STARD10: variants seen among roughly 807,000 people sequenced by gnomAD.
STARD10 encodes the protein StAR related lipid transfer domain containing 10, also known as START domain-containing protein 10.
Under a neutral mutation model 36.0 loss-of-function variants are expected in STARD10, and 24 were observed. That is an observed-to-expected ratio of 0.67 (90% CI 0.48 to 0.94). STARD10 has a LOEUF of 0.94. Among genes scored for constraint, STARD10 ranks in the 40% least tolerant of loss-of-function variants. The probability of loss-of-function intolerance (pLI) is 0.00; values close to 1 mark genes in which losing one functional copy is unlikely to be tolerated. For synonymous variants in STARD10, 156 were observed against 161.9 expected, an observed-to-expected ratio of 0.96 and a Z score of 0.28; for missense variants, 335 against 396.6, an observed-to-expected ratio of 0.84 and a Z score of 1.32.
chr11:72,770,041 G>A (rs1045661840), intron 2 of STARD10, among the ~76,000 whole-genome samples: 5 of 152,170 alleles, frequency 3.3e-5, no homozygotes, highest in African/African-American at 1.2e-4. Flanking sequence ...ACTAGTACCC[G>A]TGACATGGTT....
At chr11:72,766,127 T>C (rs112794355) in intron 2 of STARD10, 2 of 151,850 alleles carry the variant, frequency 1.3e-5, no homozygotes, top group African/African-American at 4.8e-5. Context: ...AAAAAAAAAA[T>C]AGTAGCTATT....
At chr11:72,774,556 C>T (rs1029356686) in intron 2 of STARD10, among the ~76,000 whole-genome samples, 13 of 152,234 alleles carry the variant, frequency 8.5e-5, no homozygotes, top group Non-Finnish European at 1.6e-4. Flanking sequence ...TGAAGGGAGG[C>T]ACCAGGAGGG....
At chr11:72,773,555 C>T (rs547108581) in intron 2 of STARD10, among the ~76,000 whole-genome samples, 17 of 152,340 alleles carry the variant, frequency 1.1e-4, no homozygotes, top group African/African-American at 4.1e-4. Flanking sequence ...CAGGCACAGG[C>T]GCACATACCT....
intron 2 of STARD10, among the ~76,000 whole-genome samples, chr11:72,778,858 A>G (rs960182333): frequency 1.3e-5 from 2 of 152,218 alleles, no homozygotes; most frequent in Non-Finnish European, 2.9e-5. Context: ...TCTGAAAGAA[A>G]AGGAGGGTAG....
rs759046162 is a variant in STARD10, at chr11:72,754,781, G to A, written c.*116C>T. 7 of 1,459,056 alleles carry A rather than the reference G, an allele frequency of 4.8e-6. No individual in the cohort carries two copies. The highest frequency in any genetic ancestry group is 2.8e-5 in the African/African-American group (2 of 70,962). 90.4% of individuals were successfully genotyped at this position (1,459,056 alleles called of 1,614,324 possible). On this transcript the variant is annotated 3_prime_UTR_variant, in exon 7 of 7. Coordinates refer to ENST00000334805, the MANE Select transcript of STARD10 (RefSeq NM_006645.3). Reference sequence around the variant, plus strand: ...TCTGTCCAGCCAGGCTGCAGCACCCGCCTGGGCCTGGCCCGGTGCCACCAG... The same window carrying A: ...TCTGTCCAGCCAGGCTGCAGCACCCACCTGGGCCTGGCCCGGTGCCACCAG...
At chr11:72,788,067 A>G (rs1265507478) in intron 1 of STARD10, among the ~76,000 whole-genome samples, 2 of 152,044 alleles carry the variant, frequency 1.3e-5, no homozygotes, top group African/African-American at 2.4e-5. Context: ...CTCCTCTGGG[A>G]GGCTTTGTGG....
intron 2 of STARD10, among the ~76,000 whole-genome samples, chr11:72,759,749 G>T (rs1858692048): frequency 6.6e-6 from 1 of 152,192 alleles, no homozygotes; most frequent in Non-Finnish European, 1.5e-5. Flanking sequence ...TCAGCCTGGA[G>T]CCTGGAATAG....
chr11:72,790,948 G>A (rs910731811), intron 1 of STARD10, among the ~76,000 whole-genome samples: 3 of 152,170 alleles, frequency 2.0e-5, no homozygotes, highest in Non-Finnish European at 4.4e-5. Context: ...ATTGACTTTT[G>A]GAGAACCCCA....
chr11:72,777,983 C>T (rs1421133147), intron 2 of STARD10, among the ~76,000 whole-genome samples: 1 of 152,174 alleles, frequency 6.6e-6, no homozygotes, highest in East Asian at 1.9e-4. Flanking sequence ...CAAACACCTG[C>T]AGTTGAGTCC....
rs1287188436 is a variant in STARD10, at chr11:72,793,999, C to G, written c.-1238G>C. ...CCGGGGACTCCAGCATCTCAGTCAT[C>G]GCGTCACCAAGCCCCACGTGCAGGT... is the stretch of plus-strand genomic sequence containing the variant. On this transcript the variant is annotated 5_prime_UTR_variant, in exon 1 of 7. Transcript: ENST00000334805. The G allele has an allele frequency of 6.6e-6, 1 of 152,218 alleles. No homozygotes were observed. The highest frequency in any genetic ancestry group is 1.5e-5 in the Non-Finnish European group (1 of 68,046). 9.4% of individuals were successfully genotyped at this position (152,218 alleles called of 1,614,324 possible). A position where few individuals can be genotyped will look rare whatever the true frequency, so the allele number is the denominator to read the frequency against.
At chr11:72,787,039 G>A (rs1299248514) in intron 1 of STARD10, among the ~76,000 whole-genome samples, 1 of 139,894 alleles carries the variant, frequency 7.1e-6, no homozygotes, top group South Asian at 2.3e-4. Flanking sequence ...AGCTATGATC[G>A]TACTACTGCA....
intron 1 of STARD10, among the ~76,000 whole-genome samples, chr11:72,786,420 C>T (rs1859071965): frequency 6.6e-6 from 1 of 152,114 alleles, no homozygotes; most frequent in South Asian, 2.1e-4. Flanking sequence ...GCTGGCTCGG[C>T]CTTGAGAGGG....
In STARD10 at chr11:72,781,283, C is replaced by G; in HGVS notation, c.-102G>C. The stretch of plus-strand genomic sequence containing the variant: ...GACGCGGCTGCAGATGCTGACGCCA[C>G]CTTCCTGGGACCTGCAAGACCGGTT... On this transcript the variant is annotated 5_prime_UTR_variant, in exon 2 of 7. Transcript: ENST00000334805. The surrounding 1 kb of genome is among the most constrained non-coding windows in gnomAD (Gnocchi z 4.7). The G allele has an allele frequency of 9.7e-7, 1 of 1,026,302 alleles. No homozygotes were observed. Among genetic ancestry groups the G allele is most frequent in the Non-Finnish European group, 1.4e-6 (1 of 698,562 alleles). The allele number at this position is 1,026,302 out of a possible 1,614,324, so 63.6% of individuals were successfully genotyped here.
At chr11:72,770,969 T>A (rs1022535776) in intron 2 of STARD10, among the ~76,000 whole-genome samples, 2 of 152,238 alleles carry the variant, frequency 1.3e-5, no homozygotes, top group Non-Finnish European at 2.9e-5. Context: ...CATTCATTCA[T>A]CCATTCTCAG....
intron 1 of STARD10, among the ~76,000 whole-genome samples, chr11:72,788,241 T>C (rs1244727012): frequency 6.6e-6 from 1 of 152,222 alleles, no homozygotes; most frequent in Non-Finnish European, 1.5e-5. Flanking sequence ...ATGGCACTAA[T>C]GGTCCCTGCC....
chr11:72,774,098 G>A (rs564379398), intron 2 of STARD10, among the ~76,000 whole-genome samples: 2 of 152,314 alleles, frequency 1.3e-5, no homozygotes, highest in Admixed American at 1.3e-4. Context: ...GGCAGGCAGG[G>A]GCAGGAGATG....
At chr11:72,768,029 G>A (rs1370384506) in intron 2 of STARD10, among the ~76,000 whole-genome samples, 2 of 152,130 alleles carry the variant, frequency 1.3e-5, no homozygotes, top group African/African-American at 2.4e-5. Context: ...AGGACAACAA[G>A]GAACAAAGTT....
At chr11:72,787,685 G>A (rs1208695018) in intron 1 of STARD10, among the ~76,000 whole-genome samples, 1 of 152,218 alleles carries the variant, frequency 6.6e-6, no homozygotes, top group African/African-American at 2.4e-5. Context: ...AGAGGCGCCT[G>A]ATCCATCTGC....
At chr11:72,788,463 G>T (rs1859102088) in intron 1 of STARD10, among the ~76,000 whole-genome samples, 1 of 152,218 alleles carries the variant, frequency 6.6e-6, no homozygotes, top group Admixed American at 6.5e-5. Context: ...CGCACTGCAA[G>T]GTTTCTCAAT....
Sources: gnomAD v4.1 joint callset for allele counts (sites outside exome capture counted in the v4.1 genomes callset) on GRCh38, gnomAD v4.1.1 for gene constraint, Gnocchi (gnomAD v3.1) non-coding constraint, MANE v1.5 for transcripts, NCBI Gene and HGNC (gene_info 2026-07-23, HGNC 2026-07-21) for gene names.